Variants in NBEAL1 observed in about 807,000 individuals in gnomAD.
NBEAL1 encodes the protein neurobeachin like 1, also known as neurobeachin-like protein 1.
In NBEAL1, 273 loss-of-function variants were observed where a neutral mutation model predicts 351.3. That is an observed-to-expected ratio of 0.78 (90% CI 0.70 to 0.86). The LOEUF is 0.86. Among genes scored for constraint, NBEAL1 ranks in the 40% least tolerant of loss-of-function variants. The pLI, the probability that NBEAL1 is intolerant of heterozygous loss-of-function variation, is 0.00. For synonymous variants in NBEAL1, 1,050 were observed against 1,086.4 expected (o/e 0.97, Z 0.66); for missense variants, 2,961 against 3,201.3 (o/e 0.92, Z 1.81).
Position 203,157,716 on chromosome 2 carries a change from C to T in NBEAL1, c.5605C>T (p.Pro1869Ser). 3 of 1,595,218 alleles carry T rather than the reference C, an allele frequency of 1.9e-6. No homozygotes were observed. Among genetic ancestry groups the T allele is most frequent in the Middle Eastern group, 1.7e-4 (1 of 5,988 alleles). ...TAAAACAGGTATCCAACACTCACAGCCTTCCAGTGATACATTGCTTTTGGA... is the reference window on the plus strand; with the variant it reads ...TAAAACAGGTATCCAACACTCACAGTCTTCCAGTGATACATTGCTTTTGGA... ...RDNLGIQHSQ[P>S]SSDTLLLEVV... Residue 1869 changes from proline to serine, a missense_variant, in exon 36 of 56, where the codon CCT becomes TCT. Coordinates refer to ENST00000683969, the MANE Select transcript of NBEAL1 (RefSeq NM_001378026.1).
rs899148382 is a variant in NBEAL1, at chr2:203,217,662, C to G, written c.*308C>G. ...CCAAATGATAAAATTTAAGATTTTT[C>G]TAATAAAAGAGTACAGATAATGGGA... On this transcript the variant is annotated 3_prime_UTR_variant, in exon 56 of 56. Transcript: ENST00000683969. 1 of 965,302 alleles carries G rather than the reference C, an allele frequency of 1.0e-6. No homozygotes were observed. Among genetic ancestry groups the G allele is most frequent in the Non-Finnish European group, 1.2e-6 (1 of 805,764 alleles). 59.8% of individuals were successfully genotyped at this position (965,302 alleles called of 1,614,324 possible). A position where few individuals can be genotyped will look rare whatever the true frequency, so the allele number is the denominator to read the frequency against.
chr2:203,060,665 A>T (rs1218458866), intron 6 of NBEAL1, among the ~76,000 whole-genome samples: 1 of 152,212 alleles, frequency 6.6e-6, no homozygotes, highest in African/African-American at 2.4e-5. Context: ...TTTTCTTGCG[A>T]AAGTGGAAAT....
intron 2 of NBEAL1, among the ~76,000 whole-genome samples, chr2:203,041,230 TC>T (rs1171245929): frequency 2.0e-5 from 3 of 152,150 alleles, no homozygotes; most frequent in African/African-American, 7.2e-5. Flanking sequence ...TCCCTAAGAC[TC>T]CCACAGCAAT....
intron 6 of NBEAL1, among the ~76,000 whole-genome samples, chr2:203,065,933 A>G (rs1404640862): frequency 2.6e-5 from 4 of 152,260 alleles, no homozygotes; most frequent in Non-Finnish European, 5.9e-5. Context: ...TATATTCTAC[A>G]AATGGTATAA....
intron 48 of NBEAL1, 51 bp from the exon 49 acceptor site, chr2:203,199,287 T>C: frequency 9.6e-7 from 1 of 1,038,432 alleles, no homozygotes; most frequent in Non-Finnish European, 1.5e-6. Context: ...TATTCTGGGC[T>C]GCTTTCCTTA....
intron 8 of NBEAL1, among the ~76,000 whole-genome samples, chr2:203,081,763 G>C (rs941633858): frequency 2.0e-5 from 3 of 152,162 alleles, no homozygotes; most frequent in Non-Finnish European, 4.4e-5. Flanking sequence ...AAGATAGAGG[G>C]GGTAAGGAAG....
At chr2:203,184,681 AT>A (rs1470110960) in intron 44 of NBEAL1, among the ~76,000 whole-genome samples, 1 of 151,664 alleles carries the variant, frequency 6.6e-6, no homozygotes, top group East Asian at 1.9e-4. Context: ...ATAAGTATAT[AT>A]TTATAAAATT....
chr2:203,206,018 C>T (rs199977619), intron 51 of NBEAL1, among the ~76,000 whole-genome samples: 1 of 152,132 alleles, frequency 6.6e-6, no homozygotes, highest in East Asian at 1.9e-4. Flanking sequence ...AAATAACATA[C>T]AACTATGTGT....
intron 48 of NBEAL1, among the ~76,000 whole-genome samples, chr2:203,198,953 C>T (rs771103036): frequency 2.6e-5 from 4 of 151,658 alleles, no homozygotes; most frequent in Middle Eastern, 3.4e-3. Context: ...TTTGGGAGGC[C>T]GAGGTGGGAG....
At chr2:203,115,582 C>A (rs560829238) in intron 17 of NBEAL1, among the ~76,000 whole-genome samples, 34 of 151,940 alleles carry the variant, frequency 2.2e-4, no homozygotes, top group Middle Eastern at 3.4e-3. Flanking sequence ...GCACATGCCA[C>A]CACCTCTGGC....
At chr2:203,104,056 A>G (rs1214235839) in intron 12 of NBEAL1, among the ~76,000 whole-genome samples, 1 of 152,182 alleles carries the variant, frequency 6.6e-6, no homozygotes, top group Admixed American at 6.5e-5. Context: ...TCCCATGTGC[A>G]GATGTGAAGA....
At chr2:203,029,020 C>T (rs528723687) in intron 2 of NBEAL1, among the ~76,000 whole-genome samples, 121 of 152,282 alleles carry the variant, frequency 7.9e-4, no homozygotes, top group African/African-American at 2.8e-3. Flanking sequence ...GAGTCTTGCT[C>T]TGCTGCTCAG....
Position 203,099,722 on chromosome 2 carries a change from A to G in NBEAL1, c.1269+10A>G, listed in dbSNP as rs139552299. On this transcript the variant is annotated intron_variant, in intron 12 of 55. Transcript: ENST00000683969. ...ATCTCCAGCTGCTAAGGTGAAACATATATCCTCCAGCTTTTTTTTTTTTCT... is the reference window on the plus strand; with the variant it reads ...ATCTCCAGCTGCTAAGGTGAAACATGTATCCTCCAGCTTTTTTTTTTTTCT... 241 of 1,511,274 alleles carry G rather than the reference A, an allele frequency of 1.6e-4. 1 individual carries two copies. In the African/African-American group the frequency reaches 2.9e-3, roughly 18 times the overall value. The allele number at this position is 1,511,274 out of a possible 1,614,324, so 93.6% of individuals were successfully genotyped here. A position where few individuals can be genotyped will look rare whatever the true frequency, so the allele number is the denominator to read the frequency against.
chr2:203,053,603 G>A (rs1308116641), intron 4 of NBEAL1, among the ~76,000 whole-genome samples: 1 of 152,048 alleles, frequency 6.6e-6, no homozygotes, highest in African/African-American at 2.4e-5. Context: ...GCTCACTGCA[G>A]CCTCAAGTTA....
intron 10 of NBEAL1, among the ~76,000 whole-genome samples, chr2:203,095,052 A>G (rs2062152326): frequency 1.3e-5 from 2 of 151,820 alleles, no homozygotes; most frequent in African/African-American, 4.8e-5. Context: ...TGAACCCAGG[A>G]GGTGGAGGTT....
chr2:203,016,663 C>G (rs1005493669), intron 2 of NBEAL1, among the ~76,000 whole-genome samples: 4 of 152,138 alleles, frequency 2.6e-5, no homozygotes, highest in South Asian at 2.1e-4. Context: ...TTATTTGATA[C>G]TTATCCCCAA....
Position 203,175,221 on chromosome 2 carries a change from G to A in NBEAL1, c.6398G>A (p.Gly2133Glu). The change falls in exon 42 of 56, where the codon GGG becomes GAG. Residue 2133 changes from glycine (G) to glutamate (E), a missense_variant. Gly to Glu is a moderately conservative substitution (Grantham distance 98). Transcript: ENST00000683969. ...HYGTHYSNSAGVMHYLIRVEP... is the reference protein window; with the variant it reads ...HYGTHYSNSAEVMHYLIRVEP... ...GGTACTCACTATTCAAATTCTGCGG[G>A]GGTCATGCACTATCTCATTCGTGTA... The A allele has an allele frequency of 6.2e-7, 1 of 1,613,646 alleles. No homozygotes were observed. The highest frequency in any genetic ancestry group is 8.5e-7 in the Non-Finnish European group (1 of 1,179,758).
At chr2:203,080,014 T>TAAA (rs1250055449) in intron 8 of NBEAL1, among the ~76,000 whole-genome samples, 1 of 152,228 alleles carries the variant, frequency 6.6e-6, no homozygotes, top group Non-Finnish European at 1.5e-5. Context: ...GTGAACTTCA[T>TAAA]AAACAGTTGA....
chr2:203,147,819 A>G (rs2063549645), intron 33 of NBEAL1, among the ~76,000 whole-genome samples: 1 of 152,050 alleles, frequency 6.6e-6, no homozygotes, highest in South Asian at 2.1e-4. Context: ...AGATTTCTCT[A>G]GGATAAGTGG....
Sources: allele counts gnomAD v4.1 joint callset (sites outside exome capture counted in the v4.1 genomes callset), GRCh38; gene constraint gnomAD v4.1.1; transcripts MANE v1.5; gene names NCBI Gene and HGNC (gene_info 2026-07-23, HGNC 2026-07-21).